EIF3H: variants seen among roughly 807,000 people sequenced by gnomAD.
The protein encoded by EIF3H is eukaryotic translation initiation factor 3 subunit H.
Under a neutral mutation model 44.2 loss-of-function variants are expected in EIF3H, and 26 were observed. The observed-to-expected ratio is 0.59, with a 90% CI of 0.43 to 0.82. The LOEUF (loss-of-function observed/expected upper bound fraction) is 0.82, where lower values mean the gene tolerates loss of function less well. Among genes scored for constraint, EIF3H ranks in the 40% least tolerant of loss-of-function variants. The pLI is 0.00. For missense variants in EIF3H, 359 were observed against 432.8 expected, an observed-to-expected ratio of 0.83 and a Z score of 1.51; for synonymous variants, 166 against 151.9, an observed-to-expected ratio of 1.09 and a Z score of -0.68.
At chr8:116,687,854 C>A (rs754150204) in intron 2 of EIF3H, among the ~76,000 whole-genome samples, 1 of 152,088 alleles carries the variant, frequency 6.6e-6, no homozygotes, top group Non-Finnish European at 1.5e-5. Flanking sequence ...AGATACCCAT[C>A]TAGAATGAAT....
intron 1 of EIF3H, among the ~76,000 whole-genome samples, chr8:116,747,262 C>T (rs1379253856): frequency 1.3e-5 from 2 of 152,128 alleles, no homozygotes; most frequent in Non-Finnish European, 2.9e-5. Flanking sequence ...GATGGGGTTT[C>T]GCCATGTTGG....
At chr8:116,756,126 TG>T, upstream of EIF3H, 1 of 981,490 alleles carries the variant, frequency 1.0e-6, no homozygotes, top group Non-Finnish European at 1.5e-6. Context: ...TATGTAAAAA[TG>T]CTTTCATTTC....
At chr8:116,648,778 GT>G in intron 6 of EIF3H, 27 bp downstream of exon 6, 1 of 1,554,938 alleles carries the variant, frequency 6.4e-7, no homozygotes, top group East Asian at 2.3e-5. Context: ...AGAAATAGCT[GT>G]TTGTTGAATT....
intron 2 of EIF3H, among the ~76,000 whole-genome samples, chr8:116,686,091 C>A (rs1266245077): frequency 6.6e-6 from 1 of 152,100 alleles, no homozygotes; most frequent in African/African-American, 2.4e-5. Flanking sequence ...AAAGAGAATA[C>A]AATTACAAAC....
intron 1 of EIF3H, among the ~76,000 whole-genome samples, chr8:116,765,227 A>G (rs1044239644): frequency 6.6e-6 from 1 of 152,216 alleles, no homozygotes; most frequent in African/African-American, 2.4e-5. Context: ...CAACCCTGCA[A>G]AAGTTTTCAT....
At chr8:116,697,618 C>G (rs563272252) in intron 2 of EIF3H, among the ~76,000 whole-genome samples, 7 of 152,196 alleles carry the variant, frequency 4.6e-5, no homozygotes, top group Non-Finnish European at 1.0e-4. Flanking sequence ...GTTTACCCCC[C>G]TTACCAGAAA....
intron 2 of EIF3H, among the ~76,000 whole-genome samples, chr8:116,673,742 C>T (rs1051789666): frequency 6.6e-6 from 1 of 152,062 alleles, no homozygotes; most frequent in Non-Finnish European, 1.5e-5. Flanking sequence ...CAGACTTAAG[C>T]TCATGCCACA....
chr8:116,654,521 T>C (rs1262501180), intron 5 of EIF3H, among the ~76,000 whole-genome samples: 1 of 152,216 alleles, frequency 6.6e-6, no homozygotes, highest in Non-Finnish European at 1.5e-5. Context: ...TGTAACCTTG[T>C]ATGCTGAAAA....
At chr8:116,669,501 T>C (rs545183515) in intron 2 of EIF3H, among the ~76,000 whole-genome samples, 2 of 152,302 alleles carry the variant, frequency 1.3e-5, no homozygotes, top group East Asian at 1.9e-4. Context: ...GACAAGGCTA[T>C]CTGAAAAAAC....
intron 3 of EIF3H, chr8:116,657,842 G>A (rs1294569468): frequency 6.5e-6 from 1 of 153,860 alleles, no homozygotes; most frequent in Non-Finnish European, 1.4e-5. Context: ...GTGTCTTTCT[G>A]GTTTTGGAGA....
intron 2 of EIF3H, among the ~76,000 whole-genome samples, chr8:116,709,286 C>A (rs971638274): frequency 6.6e-6 from 1 of 151,922 alleles, no homozygotes; most frequent in African/African-American, 2.4e-5. Context: ...AACCCTTTGC[C>A]CAAAAAATTT....
intron 1 of EIF3H, among the ~76,000 whole-genome samples, chr8:116,752,678 AAGAAAGAAAGAAAG>A (rs1234846727): frequency 1.5e-5 from 1 of 68,214 alleles, no homozygotes; most frequent in Non-Finnish European, 3.3e-5. Context: ...GAAAGAAAGA[AAGAAAGAAAGAAAG>A]AAAGAAAGAA....
At chr8:116,685,264 A>G (rs1814056638) in intron 2 of EIF3H, among the ~76,000 whole-genome samples, 1 of 152,170 alleles carries the variant, frequency 6.6e-6, no homozygotes. Flanking sequence ...ATGCCTCAGG[A>G]TTATGTCTGC....
intron 2 of EIF3H, among the ~76,000 whole-genome samples, chr8:116,673,026 ACC>A (rs1813784367): frequency 6.8e-6 from 1 of 146,454 alleles, no homozygotes. Context: ...AAAAAAAAAC[ACC>A]ACAAAAAACT....
chr8:116,727,188 C>T lies in EIF3H; in HGVS notation c.133-1016G>A, dbSNP rs149085199. ...CTGTGTGCAGCCTGAGCCCACAGGT[C>T]AGCTCAGCCACACGGATGGTGAAGA... On this transcript the variant is annotated intron_variant, in intron 1 of 7. Transcript: ENST00000521861. Among the ~76,000 whole-genome samples, 217 of 152,322 alleles carry T rather than the reference C, an allele frequency of 1.4e-3. 1 individual carries two copies. The highest frequency in any genetic ancestry group is 6.8e-3 in the Middle Eastern group (2 of 294).
At chr8:116,694,637 G>C (rs980579641) in intron 2 of EIF3H, among the ~76,000 whole-genome samples, 1 of 152,172 alleles carries the variant, frequency 6.6e-6, no homozygotes, top group Non-Finnish European at 1.5e-5. Context: ...ACATAGAAAG[G>C]TCATATCTAG....
intron 2 of EIF3H, among the ~76,000 whole-genome samples, chr8:116,693,498 CA>C (rs148316533): frequency 0.011 from 1,746 of 152,196 alleles, 31 homozygotes; most frequent in African/African-American, 0.039. Flanking sequence ...CTAATTTCAC[CA>C]AATGATTATA....
chr8:116,691,017 T>C (rs1399520617), intron 2 of EIF3H, among the ~76,000 whole-genome samples: 2 of 152,350 alleles, frequency 1.3e-5, no homozygotes, highest in East Asian at 3.9e-4. Flanking sequence ...CCCTAATGCT[T>C]ACTGTTCAGT....
chr8:116,699,342 G>T (rs557578429), intron 2 of EIF3H, among the ~76,000 whole-genome samples: 8 of 152,234 alleles, frequency 5.3e-5, no homozygotes, highest in Admixed American at 3.9e-4. Flanking sequence ...TCAAATTTTA[G>T]ACATTTGACT....
Sources: gnomAD v4.1 joint callset for allele counts (sites outside exome capture counted in the v4.1 genomes callset) on GRCh38, gnomAD v4.1.1 for gene constraint, MANE v1.5 for transcripts, NCBI Gene and HGNC (gene_info 2026-07-23, HGNC 2026-07-21) for gene names.